RBFOX1: variants seen among roughly 807,000 people sequenced by gnomAD.
RBFOX1 encodes the protein RNA binding protein fox-1 homolog 1.
In RBFOX1, 8 loss-of-function variants were observed where a neutral mutation model predicts 57.7. That is an observed-to-expected ratio of 0.14 (90% confidence interval 0.08 to 0.25). The LOEUF (loss-of-function observed/expected upper bound fraction) is 0.25. RBFOX1 is among the 10% of genes least tolerant of loss of function. RBFOX1 has a pLI of 1.00. For synonymous variants in RBFOX1, 326 were observed against 222.4 expected (o/e 1.47, Z -4.15); for missense variants, 611 against 548.5 (o/e 1.11, Z -1.14).
At chr16:7,473,908 A>ACCT (rs2062073370) in intron 4 of RBFOX1, among the ~76,000 whole-genome samples, 1 of 151,994 alleles carries the variant, frequency 6.6e-6, no homozygotes. Flanking sequence ...ACTTTTTGTA[A>ACCT]CCTCCCTCAA....
At chr16:5,693,039 T>C (rs1489646052) in intron 3 of RBFOX1, among the ~76,000 whole-genome samples, 1 of 152,214 alleles carries the variant, frequency 6.6e-6, no homozygotes, top group Admixed American at 6.5e-5. Context: ...TGAAGGTGTT[T>C]TAAGTATGGA....
At chr16:7,231,160 A>G (rs536903513) in intron 4 of RBFOX1, among the ~76,000 whole-genome samples, 10 of 152,214 alleles carry the variant, frequency 6.6e-5, no homozygotes, top group Non-Finnish European at 1.2e-4. Flanking sequence ...ACAAGAGACC[A>G]CTATAGCTTA....
chr16:7,195,614 G>A (rs1298866769), intron 4 of RBFOX1, among the ~76,000 whole-genome samples: 5 of 152,280 alleles, frequency 3.3e-5, no homozygotes, highest in African/African-American at 7.2e-5. Context: ...CTGGAGTGCA[G>A]TGGTGGGATC....
At chr16:7,146,215 A>ACTGGG (rs2074946685) in intron 4 of RBFOX1, among the ~76,000 whole-genome samples, 1 of 80,692 alleles carries the variant, frequency 1.2e-5, no homozygotes, top group Non-Finnish European at 2.7e-5. Context: ...TTCCCATGAT[A>ACTGGG]CTGGGCCTCA....
intron 4 of RBFOX1, among the ~76,000 whole-genome samples, chr16:7,326,386 T>C (rs2096612019): frequency 6.6e-6 from 1 of 151,962 alleles, no homozygotes; most frequent in Middle Eastern, 3.2e-3. Context: ...AAGGATGGGA[T>C]GTATATATAA....
At chr16:5,401,593 A>T (rs148535939) in intron 1 of RBFOX1, among the ~76,000 whole-genome samples, 1 of 152,348 alleles carries the variant, frequency 6.6e-6, no homozygotes, top group East Asian at 1.9e-4. Context: ...AAATGATTCA[A>T]ATATTAATTG....
chr16:5,320,858 G>C (rs986981350), intron 1 of RBFOX1, among the ~76,000 whole-genome samples: 3 of 152,186 alleles, frequency 2.0e-5, no homozygotes, highest in African/African-American at 7.2e-5. Context: ...TGGGCTGTGT[G>C]TGCGCAGCTG....
chr16:6,487,737 ATATATATATATATAT>A (rs2095535973), intron 2 of RBFOX1, among the ~76,000 whole-genome samples: 1 of 56,608 alleles, frequency 1.8e-5, no homozygotes. Context: ...ATATATATAT[ATATATATATATATAT>A]ATAAAATATT....
intron 1 of RBFOX1, among the ~76,000 whole-genome samples, chr16:6,149,220 T>TGC (rs900942341): frequency 6.6e-6 from 1 of 152,214 alleles, no homozygotes; most frequent in Non-Finnish European, 1.5e-5. Flanking sequence ...TGTGTGTGTG[T>TGC]GCGCGCGCGT....
intron 1 of RBFOX1, among the ~76,000 whole-genome samples, chr16:6,148,504 GT>G (rs2096775199): frequency 6.6e-6 from 1 of 152,112 alleles, no homozygotes; most frequent in Non-Finnish European, 1.5e-5. Context: ...TCTTCTTTGA[GT>G]CTCAGGTTGA....
chr16:6,503,261 A>G (rs1024491587), intron 2 of RBFOX1, among the ~76,000 whole-genome samples: 6 of 152,150 alleles, frequency 3.9e-5, no homozygotes, highest in African/African-American at 7.2e-5. Flanking sequence ...CCAAATATCT[A>G]TACTTATCTA....
At chr16:7,023,282 G>C (rs1259597233) in intron 3 of RBFOX1, among the ~76,000 whole-genome samples, 3 of 151,778 alleles carry the variant, frequency 2.0e-5, no homozygotes, top group Non-Finnish European at 2.9e-5. Context: ...TCCAAGACCA[G>C]ACCGCATCTC....
rs77395507 is a variant in RBFOX1 at position 6,820,071 on chromosome 16, T to A, written c.-16+165421T>A. Among the ~76,000 whole-genome samples the A allele has an allele frequency of 6.6e-5, 10 of 152,278 alleles. No homozygotes were observed. In the East Asian group the frequency reaches 1.9e-3, roughly 29 times the overall value. ...TAAAATTGAATCGTGGGGCTTGATT[T>A]TTCCTTTCCTTTTCTCATAATAGTG... is the stretch of plus-strand genomic sequence containing the variant. On this transcript the variant is annotated intron_variant, in intron 3 of 15. Transcript: ENST00000550418.
chr16:6,682,013 A>G (rs149841161), intron 3 of RBFOX1, among the ~76,000 whole-genome samples: 3 of 152,180 alleles, frequency 2.0e-5, no homozygotes, highest in Non-Finnish European at 4.4e-5. Flanking sequence ...TCAGAAGGAT[A>G]CACCCTTACT....
intron 4 of RBFOX1, among the ~76,000 whole-genome samples, chr16:7,460,660 C>G (rs915074542): frequency 6.6e-6 from 1 of 151,292 alleles, no homozygotes. Context: ...CACAACAAAC[C>G]ACCATGACAC....
chr16:6,502,527 C>G (rs915938821), intron 2 of RBFOX1, among the ~76,000 whole-genome samples: 5 of 152,150 alleles, frequency 3.3e-5, no homozygotes, highest in African/African-American at 1.2e-4. Flanking sequence ...CATTCTGCAC[C>G]TAACACCTTA....
chr16:6,096,258 A>C (rs12930279), intron 1 of RBFOX1, among the ~76,000 whole-genome samples: 64,688 of 152,044 alleles, frequency 0.43, 14,130 homozygotes, highest in South Asian at 0.59. Flanking sequence ...GTTCTGTCCC[A>C]AAGAAAAGAG....
intron 1 of RBFOX1, among the ~76,000 whole-genome samples, chr16:5,459,553 T>G (rs1339289559): frequency 6.6e-6 from 1 of 152,150 alleles, no homozygotes; most frequent in Non-Finnish European, 1.5e-5. Flanking sequence ...ATGCCGCATG[T>G]CCACTTGTCT....
chr16:6,901,245 G>T (rs957241081), intron 3 of RBFOX1, among the ~76,000 whole-genome samples: 2 of 152,150 alleles, frequency 1.3e-5, no homozygotes, highest in East Asian at 1.9e-4. Context: ...CTTCATTCCA[G>T]TGAGGACAGA....
Sources: gnomAD v4.1 joint callset for allele counts (sites outside exome capture counted in the v4.1 genomes callset) on GRCh38, gnomAD v4.1.1 for gene constraint, MANE v1.5 for transcripts, NCBI Gene and HGNC (gene_info 2026-07-23, HGNC 2026-07-21) for gene names.